NIBAN3: variants seen among roughly 807,000 people sequenced by gnomAD.
NIBAN3 encodes protein Niban 3.
Under a neutral mutation model 76.4 loss-of-function variants are expected in NIBAN3, and 66 were observed. The observed-to-expected ratio is 0.86, with a 90% CI of 0.71 to 1.06. NIBAN3 has a LOEUF of 1.06. NIBAN3 is among the 50% of genes least tolerant of loss of function. The pLI is 0.00. For synonymous variants in NIBAN3, 360 were observed against 355.2 expected (o/e 1.01, Z -0.15); for missense variants, 808 against 810.7 (o/e 1.00, Z 0.04).
intron 4 of NIBAN3, among the ~76,000 whole-genome samples, chr19:17,537,173 G>A (rs2075839290): frequency 6.6e-6 from 1 of 152,158 alleles, no homozygotes; most frequent in Non-Finnish European, 1.5e-5. Context: ...TCTGCCTTGG[G>A]CATGCAGTGG....
chr19:17,533,108 A>G (rs1011648380), intron 3 of NIBAN3, among the ~76,000 whole-genome samples: 1 of 152,116 alleles, frequency 6.6e-6, no homozygotes, highest in African/African-American at 2.4e-5. Context: ...CTCCGTCTCT[A>G]CTAAAAATAC....
intron 4 of NIBAN3, among the ~76,000 whole-genome samples, chr19:17,535,609 G>A (rs1369664279): frequency 2.0e-5 from 3 of 152,230 alleles, no homozygotes; most frequent in Admixed American, 6.5e-5. Flanking sequence ...TTAGCCGAGC[G>A]TGGTGGCACA....
chr19:17,544,273 G>A (rs7245666), intron 12 of NIBAN3, among the ~76,000 whole-genome samples: 29,455 of 152,160 alleles, frequency 0.19, 3,025 homozygotes, highest in Middle Eastern at 0.22. Context: ...TCCAGCCTGG[G>A]CAACAGAGCA....
intron 12 of NIBAN3, chr19:17,545,915 C>A: frequency 4.6e-6 from 2 of 430,316 alleles, no homozygotes; most frequent in Admixed American, 4.9e-5. Flanking sequence ...TAAACTCCCC[C>A]GGAGAAAAGG....
At chr19:17,529,914 C>G (rs1182182353) in intron 1 of NIBAN3, among the ~76,000 whole-genome samples, 1 of 152,026 alleles carries the variant, frequency 6.6e-6, no homozygotes, top group African/African-American at 2.4e-5. Context: ...AAAAAATTAG[C>G]TGGGCATGGT....
At chr19:17,534,804 AAAAG>A (rs1436065938) in intron 4 of NIBAN3, among the ~76,000 whole-genome samples, 3 of 147,766 alleles carry the variant, frequency 2.0e-5, no homozygotes, top group East Asian at 2.0e-4. Context: ...AAAAAAAAAA[AAAAG>A]AAAAGAAAAG....
In NIBAN3 at chr19:17,540,364, A is replaced by G. The variant is rs768484846; in HGVS notation, c.980-28A>G. On this transcript the variant is annotated intron_variant, in intron 8 of 14. Transcript: ENST00000599164. ...ATCTGTGAGGCACCTTGCGGAGGGG[A>G]CTCCAGACCAGTGTCTTCCACTCCC... The G allele has an allele frequency of 2.1e-6, 3 of 1,408,254 alleles. 1 individual carries two copies. The South Asian group carries it at 4.9e-5, about 23-fold the overall frequency. 87.2% of individuals were successfully genotyped at this position (1,408,254 alleles called of 1,614,324 possible).
upstream of NIBAN3, among the ~76,000 whole-genome samples, chr19:17,524,082 A>G (rs751117202): frequency 6.6e-6 from 1 of 151,924 alleles, no homozygotes; most frequent in Non-Finnish European, 1.5e-5. Flanking sequence ...AGAAACATTG[A>G]GTTTCACCAC....
intron 4 of NIBAN3, among the ~76,000 whole-genome samples, chr19:17,536,245 C>T (rs1239685491): frequency 6.6e-6 from 1 of 152,092 alleles, no homozygotes; most frequent in Non-Finnish European, 1.5e-5. Flanking sequence ...GGCTCAAGTG[C>T]AGTGGCATGA....
At chr19:17,549,105 T>C (rs1191300465) in intron 13 of NIBAN3, among the ~76,000 whole-genome samples, 2 of 152,134 alleles carry the variant, frequency 1.3e-5, no homozygotes, top group African/African-American at 2.4e-5. Flanking sequence ...ATAAAAGCTA[T>C]TTTCTGACTG....
upstream of NIBAN3, chr19:17,527,173 C>T: frequency 6.6e-7 from 1 of 1,524,802 alleles, no homozygotes; most frequent in South Asian, 1.2e-5. Context: ...GCAACACGGG[C>T]CCCAGGGGAG....
At chr19:17,554,261 C>T (rs1478750368), downstream of NIBAN3, among the ~76,000 whole-genome samples, 7 of 151,804 alleles carry the variant, frequency 4.6e-5, no homozygotes, top group Non-Finnish European at 1.0e-4. Context: ...GGGAGGATTA[C>T]TTGAGACCAG....
downstream of NIBAN3, chr19:17,553,934 G>A (rs541382915): frequency 4.3e-5 from 7 of 162,384 alleles, no homozygotes; most frequent in East Asian, 8.7e-4. Flanking sequence ...GCAGTGGTGC[G>A]ATTTTGGCTC....
Position 17,552,245 on chromosome 19 carries a change from ATTT to A in NIBAN3, c.*350_*352del, listed in dbSNP as rs10527634. 0.17 allele frequency: 27,637 copies of A among 161,742 alleles called. 2,529 individuals carry two copies. Among genetic ancestry groups the A allele is most frequent in the Middle Eastern group, 0.24 (78 of 330 alleles). The allele number at this position is 161,742 out of a possible 1,614,324, so 10.0% of individuals were successfully genotyped here. ...AGGCACCCGCCACCATGCCTGGTTA[ATTT>A]TTGTGTTTTTAGTAGAGATGGGGTT... On this transcript the variant is annotated 3_prime_UTR_variant, in exon 15 of 15. Coordinates refer to ENST00000599164, the MANE Select transcript of NIBAN3 (RefSeq NM_001321827.2).
intron 1 of NIBAN3, among the ~76,000 whole-genome samples, chr19:17,528,663 G>A (rs115764745): frequency 8.5e-5 from 13 of 152,238 alleles, no homozygotes; most frequent in South Asian, 2.1e-4. Context: ...TGTGCTGGGC[G>A]CTGGGGACAT....
chr19:17,527,870 T>A, intron 1 of NIBAN3, among the ~76,000 whole-genome samples: 1 of 151,994 alleles, frequency 6.6e-6, no homozygotes, highest in Non-Finnish European at 1.5e-5. Flanking sequence ...TTTTTATTTG[T>A]TTTCGTAGCG....
At chr19:17,540,800 C>T (rs1354953368) in intron 9 of NIBAN3, among the ~76,000 whole-genome samples, 2 of 152,208 alleles carry the variant, frequency 1.3e-5, no homozygotes, top group African/African-American at 4.8e-5. Flanking sequence ...GTGGCACAAT[C>T]TTAACTCACT....
chr19:17,549,710 G>C, intron 14 of NIBAN3, 183 bp downstream of exon 14: 1 of 660,298 alleles, frequency 1.5e-6, no homozygotes, highest in Middle Eastern at 2.4e-4. Flanking sequence ...AAGTTGTGGA[G>C]TGCATCTGAG....
At position 17,528,084 on chromosome 19, in the gene NIBAN3, GTTTGTTTTGT is replaced by G. The variant is rs533477030; in HGVS notation, c.55+703_55+712del. Reference sequence around the variant, plus strand: ...ATTACCCCTTTATGGTTTTTTTTTTGTTTGTTTTGTTTTGTTTTGTTTTTTGAGATGGAGT... The same window carrying G: ...ATTACCCCTTTATGGTTTTTTTTTTGTTTGTTTTGTTTTTTGAGATGGAGT... On this transcript the variant is annotated intron_variant, in intron 1 of 14. Coordinates refer to ENST00000599164, the MANE Select transcript of NIBAN3 (RefSeq NM_001321827.2). Among the ~76,000 whole-genome samples, 4 of 146,762 alleles carry G rather than the reference GTTTGTTTTGT, an allele frequency of 2.7e-5. No individual in the cohort carries two copies. The East Asian group carries it at 6.0e-4, about 22-fold the overall frequency.
Sources: gnomAD v4.1 joint callset for allele counts (sites outside exome capture counted in the v4.1 genomes callset) on GRCh38, gnomAD v4.1.1 for gene constraint, MANE v1.5 for transcripts, NCBI Gene and HGNC (gene_info 2026-07-23, HGNC 2026-07-21) for gene names.